The following MARCHF3 variants were observed in gnomAD, a reference collection of about 807,000 sequenced individuals.
MARCHF3 encodes the protein membrane associated ring-CH-type finger 3.
MARCHF3 carries 13 observed loss-of-function variants against 24.2 expected under a neutral mutation model. The ratio of observed to expected loss-of-function variants is 0.54; its 90% CI spans 0.35 to 0.85. MARCHF3 has a LOEUF of 0.85. Among genes scored for constraint, MARCHF3 ranks in the 40% least tolerant of loss-of-function variants. The probability of loss-of-function intolerance (pLI) is 0.01; values close to 1 mark genes in which losing one functional copy is unlikely to be tolerated. For synonymous variants in MARCHF3, 144 were observed against 137.3 expected, an observed-to-expected ratio of 1.05 and a Z score of -0.34; for missense variants, 276 against 325.0, an observed-to-expected ratio of 0.85 and a Z score of 1.16.
At chr5:126,971,178 G>A (rs748247353) in intron 1 of MARCHF3, among the ~76,000 whole-genome samples, 6 of 151,948 alleles carry the variant, frequency 3.9e-5, no homozygotes, top group Admixed American at 6.6e-5. Flanking sequence ...GCTAGGGCGC[G>A]GTGGCACACA....
At chr5:127,023,920 C>T (rs1161363492) in intron 1 of MARCHF3, among the ~76,000 whole-genome samples, 1 of 152,138 alleles carries the variant, frequency 6.6e-6, no homozygotes, top group Non-Finnish European at 1.5e-5. Context: ...AGCTTAGTCA[C>T]CTGCATTGGA....
At position 126,927,594 on chromosome 5, in the gene MARCHF3, C is replaced by T. The variant is rs368262932; in HGVS notation, c.-56-9367G>A. On this transcript the variant is annotated intron_variant, in intron 1 of 4. Coordinates refer to ENST00000308660, the MANE Select transcript of MARCHF3 (RefSeq NM_178450.5). ...GGTACAGAGTGGCCTCTCTTCCACA[C>T]CCCCACCTGTTGGAGTGCTGGCTCC... 5.8e-4 allele frequency among the ~76,000 whole-genome samples: 89 copies of T among 152,300 alleles called. 2 individuals are homozygous for T. In the East Asian group the frequency reaches 0.015, roughly 26 times the overall value.
chr5:126,893,166 C>T (rs899146186), intron 3 of MARCHF3, among the ~76,000 whole-genome samples: 12 of 151,508 alleles, frequency 7.9e-5, no homozygotes, highest in African/African-American at 1.7e-4. Context: ...TGCATCTATT[C>T]GATTCTTCTC....
chr5:126,982,426 C>G (rs1409955428), intron 1 of MARCHF3, among the ~76,000 whole-genome samples: 1 of 152,184 alleles, frequency 6.6e-6, no homozygotes, highest in Non-Finnish European at 1.5e-5. Context: ...CCACAGTGGG[C>G]CCCGGGATGA....
intron 1 of MARCHF3, among the ~76,000 whole-genome samples, chr5:127,028,566 T>G (rs1036989113): frequency 1.3e-5 from 2 of 151,928 alleles, no homozygotes; most frequent in African/African-American, 4.8e-5. Context: ...AGGTAGGTTT[T>G]TTTTTTTTTT....
chr5:126,868,022 A>G lies in MARCHF3; in HGVS notation c.*2611T>C, dbSNP rs761055586. On this transcript the variant is annotated 3_prime_UTR_variant, in exon 5 of 5. Transcript: ENST00000308660. Reference sequence around the variant, plus strand: ...TTAAAAAGTCAGTTAAAGAGAAGCAATGAACCACGAGGGTCCTTTAGGTAA... The same window carrying G: ...TTAAAAAGTCAGTTAAAGAGAAGCAGTGAACCACGAGGGTCCTTTAGGTAA... 5.3e-5 allele frequency: 8 copies of G among 152,182 alleles called. No individual in the cohort carries two copies. The highest frequency in any genetic ancestry group is 1.9e-4 in the African/African-American group (8 of 41,426). The allele number at this position is 152,182 out of a possible 1,614,324, so 9.4% of individuals were successfully genotyped here. A position where few individuals can be genotyped will look rare whatever the true frequency, so the allele number is the denominator to read the frequency against.
chr5:126,962,558 T>C (rs1283371458), intron 1 of MARCHF3, among the ~76,000 whole-genome samples: 1 of 152,120 alleles, frequency 6.6e-6, no homozygotes, highest in Non-Finnish European at 1.5e-5. Flanking sequence ...GAAAATTTCA[T>C]ACCTGACACT....
chr5:126,946,315 T>G (rs1750006742), intron 1 of MARCHF3: 1 of 139,272 alleles, frequency 7.2e-6, no homozygotes, highest in Non-Finnish European at 1.5e-5. Flanking sequence ...GAGACTGCAG[T>G]GAGCCGTGAT....
At chr5:126,921,189 G>A (rs1749096837) in intron 1 of MARCHF3, among the ~76,000 whole-genome samples, 1 of 152,138 alleles carries the variant, frequency 6.6e-6, no homozygotes, top group Non-Finnish European at 1.5e-5. Context: ...TGGCATGCCA[G>A]CAATGAGTCC....
At position 126,869,880 on chromosome 5, in the gene MARCHF3, T is replaced by C. The variant is rs951512262; in HGVS notation, c.*753A>G. The stretch of plus-strand genomic sequence containing the variant: ...GGTTTTGTCTTTCACACACTGGATG[T>C]TTATTATTAGAAAATAGCTTCTATC... On this transcript the variant is annotated 3_prime_UTR_variant, in exon 5 of 5. Coordinates refer to ENST00000308660, the MANE Select transcript of MARCHF3 (RefSeq NM_178450.5). The C allele has an allele frequency of 6.6e-6, 1 of 152,466 alleles. No individual in the cohort carries two copies. Among genetic ancestry groups the C allele is most frequent in the Admixed American group, 6.6e-5 (1 of 15,248 alleles). 9.4% of individuals were successfully genotyped at this position (152,466 alleles called of 1,614,324 possible).
At chr5:126,905,724 A>G (rs1247718987) in intron 3 of MARCHF3, among the ~76,000 whole-genome samples, 7 of 151,866 alleles carry the variant, frequency 4.6e-5, no homozygotes, top group Admixed American at 2.0e-4. Context: ...GGCTGAGGCA[A>G]TGGGGTTTTC....
chr5:126,971,448 CAA>C (rs60881844), intron 1 of MARCHF3, among the ~76,000 whole-genome samples: 5,742 of 89,788 alleles, frequency 0.064, 219 homozygotes, highest in South Asian at 0.17. Context: ...GACTCTGTCT[CAA>C]AAAAAAAAAA....
chr5:127,020,447 T>C (rs1012951838), intron 1 of MARCHF3, among the ~76,000 whole-genome samples: 8 of 152,208 alleles, frequency 5.3e-5, no homozygotes, highest in African/African-American at 1.9e-4. Flanking sequence ...TAAATATTTA[T>C]ATCTCCCCAA....
At chr5:126,930,854 T>C (rs750012766) in intron 1 of MARCHF3, among the ~76,000 whole-genome samples, 8 of 152,246 alleles carry the variant, frequency 5.3e-5, no homozygotes, top group Non-Finnish European at 1.0e-4. Flanking sequence ...TTTTTTGTTC[T>C]CTAAGAGCAG....
At chr5:126,939,117 T>C (rs1022658769) in intron 1 of MARCHF3, among the ~76,000 whole-genome samples, 27 of 152,188 alleles carry the variant, frequency 1.8e-4, no homozygotes, top group Non-Finnish European at 3.2e-4. Context: ...CAGATTCCTG[T>C]TAGCATTGAT....
intron 3 of MARCHF3, among the ~76,000 whole-genome samples, chr5:126,913,118 C>T (rs952136952): frequency 6.6e-5 from 10 of 152,218 alleles, no homozygotes; most frequent in African/African-American, 2.2e-4. Context: ...TGAGAGAGAT[C>T]ACTGGGTGAT....
At chr5:126,924,343 G>C (rs560335927) in intron 1 of MARCHF3, among the ~76,000 whole-genome samples, 8 of 152,282 alleles carry the variant, frequency 5.3e-5, no homozygotes, top group Non-Finnish European at 1.2e-4. Flanking sequence ...TTAATACGTG[G>C]GGAGCACAGC....
At chr5:127,014,110 C>T (rs1014267657) in intron 1 of MARCHF3, among the ~76,000 whole-genome samples, 1 of 151,942 alleles carries the variant, frequency 6.6e-6, no homozygotes, top group Non-Finnish European at 1.5e-5. Flanking sequence ...CCAAGTGAAC[C>T]AATAACCTGA....
At chr5:126,910,395 G>C (rs1754475539) in intron 3 of MARCHF3, among the ~76,000 whole-genome samples, 1 of 152,342 alleles carries the variant, frequency 6.6e-6, no homozygotes, top group Middle Eastern at 3.4e-3. Flanking sequence ...AAAGGCTGGA[G>C]TCAAGGCACA....
Sources: gnomAD v4.1 joint callset for allele counts (sites outside exome capture counted in the v4.1 genomes callset) on GRCh38, gnomAD v4.1.1 for gene constraint, MANE v1.5 for transcripts, NCBI Gene and HGNC (gene_info 2026-07-23, HGNC 2026-07-21) for gene names.